TRAF7: variants seen among roughly 807,000 people sequenced by gnomAD.
TRAF7 encodes TNF receptor associated factor 7.
In TRAF7, 45 loss-of-function variants were observed where a neutral mutation model predicts 89.3. That is an observed-to-expected ratio of 0.50 (90% CI 0.40 to 0.65). TRAF7 has a LOEUF of 0.65. Ranked by LOEUF, TRAF7 falls within the 30% of genes least tolerant of loss-of-function variation. The probability of loss-of-function intolerance (pLI) is 0.00; values close to 1 mark genes in which losing one functional copy is unlikely to be tolerated. For synonymous variants in TRAF7, 406 were observed against 369.2 expected, an observed-to-expected ratio of 1.10 and a Z score of -1.14; for missense variants, 677 against 918.1, an observed-to-expected ratio of 0.74 and a Z score of 3.39.
chr16:2,165,349 A>T (rs1596671818), intron 2 of TRAF7, among the ~76,000 whole-genome samples: 2 of 137,626 alleles, frequency 1.5e-5, no homozygotes, highest in African/African-American at 2.8e-5. Flanking sequence ...TCGCATGGTT[A>T]AGCGTGTGAG....
intron 1 of TRAF7, among the ~76,000 whole-genome samples, chr16:2,160,505 C>T (rs1392333550): frequency 5.1e-5 from 4 of 78,904 alleles, no homozygotes; most frequent in African/African-American, 1.6e-4. Flanking sequence ...TGTGGACCGG[C>T]GGGCGGTGTG....
rs937331641 is a variant in TRAF7 at position 2,158,704 on chromosome 16, G to A, written c.-39+2846G>A. ...CAGGGCAGAAGGAAGGAGGGAGCCC[G>A]GGAGACCGAGCCACACAGGAAGCAA... On this transcript the variant is annotated intron_variant, in intron 1 of 20. Coordinates refer to ENST00000326181, the MANE Select transcript of TRAF7 (RefSeq NM_032271.3). This position sits in a 1 kb window ranked among gnomAD's most constrained non-coding sequence, Gnocchi z 4.7. Among the ~76,000 whole-genome samples the A allele has an allele frequency of 1.3e-5, 2 of 151,618 alleles. No individual in the cohort carries two copies. Among genetic ancestry groups the A allele is most frequent in the Admixed American group, 6.6e-5 (1 of 15,216 alleles).
intron 1 of TRAF7, among the ~76,000 whole-genome samples, chr16:2,157,767 C>T (rs1045594011): frequency 2.0e-5 from 3 of 151,922 alleles, no homozygotes; most frequent in Admixed American, 2.0e-4. Flanking sequence ...CTGGCTCAGG[C>T]GCTGCCGGGG....
chr16:2,172,560 A>G lies in TRAF7; in HGVS notation c.755A>G (p.Lys252Arg). The stretch of plus-strand genomic sequence containing the variant: ...AGGATGAACCTGGAGGCCCACCTCA[A>G]GGAGTGCGAGCACATCAAATGCCCC... ...LLRMNLEAHLKECEHIKCPHS... is the reference protein window; with the variant it reads ...LLRMNLEAHLRECEHIKCPHS... Residue 252 changes from lysine to arginine, a missense_variant, in exon 9 of 21, where the codon AAG becomes AGG. By Grantham distance (26) the Lys-to-Arg change is conservative. This residue lies in a region of TRAF7 where 238 missense variants were observed against 352.6 expected (regional missense o/e 0.67). Coordinates refer to ENST00000326181, the MANE Select transcript of TRAF7 (RefSeq NM_032271.3). 6.7e-7 allele frequency: 1 copy of G among 1,489,460 alleles called. No homozygotes were observed. Among genetic ancestry groups the G allele is most frequent in the Non-Finnish European group, 9.0e-7 (1 of 1,106,612 alleles). 92.3% of individuals were successfully genotyped at this position (1,489,460 alleles called of 1,614,324 possible). A position where few individuals can be genotyped will look rare whatever the true frequency, so the allele number is the denominator to read the frequency against.
chr16:2,175,791 G>A (rs376460403), intron 17 of TRAF7, 43 bp from the exon 18 acceptor site: 9 of 1,607,758 alleles, frequency 5.6e-6, no homozygotes, highest in Non-Finnish European at 7.7e-6. Context: ...CCCTGGGGGT[G>A]AAGCACCTGG....
intron 1 of TRAF7, among the ~76,000 whole-genome samples, chr16:2,160,258 G>A (rs2093052168): frequency 6.6e-6 from 1 of 151,992 alleles, no homozygotes; most frequent in Admixed American, 6.5e-5. Context: ...GACGGTGGGG[G>A]GCCAATCCTG....
intron 2 of TRAF7, 146 bp downstream of exon 2, chr16:2,164,147 T>TGTGTGTGTGTGTGTGC: frequency 1.8e-6 from 1 of 557,846 alleles, no homozygotes; most frequent in South Asian, 2.1e-5. Context: ...GTGGTGTGTG[T>TGTGTGTGTGTGTGTGC]GTGTGTGTGT....
intron 7 of TRAF7, 84 bp downstream of exon 7, chr16:2,171,689 T>G (rs1032931217): frequency 3.2e-5 from 51 of 1,598,052 alleles, no homozygotes; most frequent in Non-Finnish European, 4.2e-5. Flanking sequence ...CCTTGTCCCC[T>G]GCACAGCGTC....
chr16:2,170,879 G>A, intron 5 of TRAF7, 149 bp downstream of exon 5: 1 of 781,354 alleles, frequency 1.3e-6, no homozygotes, highest in Admixed American at 2.4e-5. Context: ...GCTGGTCCGT[G>A]GTGGGGACTC....
At position 2,162,193 on chromosome 16, in the gene TRAF7, G is replaced by A. The variant is rs928282370; in HGVS notation, c.-38-1690G>A. 3.3e-5 allele frequency among the ~76,000 whole-genome samples: 5 copies of A among 152,258 alleles called. No individual in the cohort carries two copies. Among genetic ancestry groups the A allele is most frequent in the African/African-American group, 7.2e-5 (3 of 41,474 alleles). On this transcript the variant is annotated intron_variant, in intron 1 of 20. Coordinates refer to ENST00000326181, the MANE Select transcript of TRAF7 (RefSeq NM_032271.3). This position sits in a 1 kb window ranked among gnomAD's most constrained non-coding sequence, Gnocchi z 5.0. ...TGAAGGCTGAGTGGCTCCAGGGTGGGTGGCCTTCCAGGTGGCATTGGAAGG... is the reference window on the plus strand; with the variant it reads ...TGAAGGCTGAGTGGCTCCAGGGTGGATGGCCTTCCAGGTGGCATTGGAAGG...
At chr16:2,174,894 A>G (rs534399291) in intron 14 of TRAF7, among the ~76,000 whole-genome samples, 1 of 152,318 alleles carries the variant, frequency 6.6e-6, no homozygotes, top group East Asian at 1.9e-4. Context: ...CTCGCTGTCA[A>G]ATGCTTTCCA....
chr16:2,176,633 G>C lies in TRAF7; in HGVS notation c.*59G>C, dbSNP rs1035411638. 5.6e-6 allele frequency: 9 copies of C among 1,612,690 alleles called. No homozygotes were observed. Among genetic ancestry groups the C allele is most frequent in the Non-Finnish European group, 6.8e-6 (8 of 1,179,774 alleles). On this transcript the variant is annotated 3_prime_UTR_variant, in exon 21 of 21. Transcript: ENST00000326181. ...CCAGCCCTGGACCTTTCTGAGCCAG[G>C]CTGGCCACATGGGGTGGTCTCGGGG...
chr16:2,164,678 C>G (rs1394810541), intron 2 of TRAF7, among the ~76,000 whole-genome samples: 1 of 140,718 alleles, frequency 7.1e-6, no homozygotes, highest in African/African-American at 2.7e-5. Context: ...TGTGGCGCGG[C>G]CTGGTTGCAT....
Position 2,159,529 on chromosome 16 carries a change from G to A in TRAF7, c.-39+3671G>A, listed in dbSNP as rs76882776. 2.2e-4 allele frequency among the ~76,000 whole-genome samples: 33 copies of A among 152,314 alleles called. No individual in the cohort carries two copies. Among genetic ancestry groups the A allele is most frequent in the African/African-American group, 7.5e-4 (31 of 41,574 alleles). Reference sequence around the variant, plus strand: ...CAGGCCTGTTTCTATAGAATTTAGCGGCCTGGGCTTGGGCCAGGGGGCTGA... The same window carrying A: ...CAGGCCTGTTTCTATAGAATTTAGCAGCCTGGGCTTGGGCCAGGGGGCTGA... On this transcript the variant is annotated intron_variant, in intron 1 of 20. Transcript: ENST00000326181. The surrounding 1 kb of genome is among the most constrained non-coding windows in gnomAD (Gnocchi z 6.5).
At position 2,172,393 on chromosome 16, in the gene TRAF7, G is replaced by T; in HGVS notation, c.659+19G>T. Reference sequence around the variant, plus strand: ...CCCGGAAGTAAGTGCCCCTCCCTGGGCACCTCTGCCTCCCTGGGGGCTGCT... The same window carrying T: ...CCCGGAAGTAAGTGCCCCTCCCTGGTCACCTCTGCCTCCCTGGGGGCTGCT... On this transcript the variant is annotated intron_variant, in intron 8 of 20. Coordinates refer to ENST00000326181, the MANE Select transcript of TRAF7 (RefSeq NM_032271.3). The T allele has an allele frequency of 6.2e-7, 1 of 1,611,334 alleles. No individual in the cohort carries two copies. Among genetic ancestry groups the T allele is most frequent in the Non-Finnish European group, 8.5e-7 (1 of 1,179,358 alleles).
chr16:2,174,207 T>G (rs777731136), intron 13 of TRAF7, 44 bp from the exon 14 acceptor site: 1 of 1,603,376 alleles, frequency 6.2e-7, no homozygotes, highest in Non-Finnish European at 8.5e-7. Flanking sequence ...CCCTTGACAC[T>G]GGGCTGACCT....
Position 2,173,230 on chromosome 16 carries a change from T to C in TRAF7, c.843T>C (p.Thr281=). The change falls in exon 10 of 21, where the codon ACT becomes ACC. Residue 281 remains threonine, a synonymous_variant. Coordinates refer to ENST00000326181, the MANE Select transcript of TRAF7 (RefSeq NM_032271.3). The part of the protein sequence containing the change: ...NQDTYETHLE[T]CRFEGLKEFL... ...ACACTTACGAGACCCACCTGGAGAC[T>C]TGCCGCTTCGAGGGCCTGAAGGAGT... The C allele has an allele frequency of 6.2e-7, 1 of 1,612,752 alleles. No homozygotes were observed. Among genetic ancestry groups the C allele is most frequent in the Non-Finnish European group, 8.5e-7 (1 of 1,179,794 alleles).
rs753168873 is a variant in TRAF7 at position 2,164,052 on chromosome 16, C to G, written c.81+51C>G. The G allele has an allele frequency of 4.6e-6, 7 of 1,517,622 alleles. No homozygotes were observed. The African/African-American group carries it at 5.5e-5, about 12-fold the overall frequency. 94.0% of individuals were successfully genotyped at this position (1,517,622 alleles called of 1,614,324 possible). On this transcript the variant is annotated intron_variant, in intron 2 of 20. Coordinates refer to ENST00000326181, the MANE Select transcript of TRAF7 (RefSeq NM_032271.3). Reference sequence around the variant, plus strand: ...CAACATCCCCAGGACCCCCAGCATGCCCCAGGGATCTGGTGTTGCCTGCAG... The same window carrying G: ...CAACATCCCCAGGACCCCCAGCATGGCCCAGGGATCTGGTGTTGCCTGCAG...
intron 1 of TRAF7, among the ~76,000 whole-genome samples, chr16:2,157,824 C>T (rs1048633159): frequency 2.0e-5 from 3 of 152,178 alleles, no homozygotes. Flanking sequence ...GAATGTGACT[C>T]TGGTCACAGC....
Sources: allele counts gnomAD v4.1 joint callset (sites outside exome capture counted in the v4.1 genomes callset), GRCh38; gene constraint gnomAD v4.1.1; regional missense constraint gnomAD v4.1.1; non-coding constraint Gnocchi (gnomAD v3.1); transcripts MANE v1.5; gene names NCBI Gene and HGNC (gene_info 2026-07-23, HGNC 2026-07-21).